ADH1C: variants seen among roughly 807,000 people sequenced by gnomAD.
The protein encoded by ADH1C is alcohol dehydrogenase 1C (class I), gamma polypeptide, also known as alcohol dehydrogenase 1C.
In ADH1C, 26 loss-of-function variants were observed where a neutral mutation model predicts 35.0. That is an observed-to-expected ratio of 0.74 (90% CI 0.54 to 1.03). The LOEUF is 1.03. ADH1C is among the 50% of genes least tolerant of loss of function. ADH1C has a pLI of 0.00. For missense variants in ADH1C, 413 were observed against 465.4 expected (o/e 0.89, Z 1.04); for synonymous variants, 170 against 169.3 (o/e 1.00, Z -0.03).
chr4:99,336,803 G>A (rs1364999081), intron 8 of ADH1C, 27 bp from the exon 9 acceptor site: 1 of 1,613,372 alleles, frequency 6.2e-7, no homozygotes, highest in African/African-American at 1.3e-5. Context: ...GAGACATTGT[G>A]TTAACATTTA....
intron 4 of ADH1C, 37 bp from the exon 5 acceptor site, chr4:99,345,118 G>A: frequency 3.7e-6 from 6 of 1,614,026 alleles, no homozygotes; most frequent in Non-Finnish European, 5.1e-6. Flanking sequence ...AAAGGCATGA[G>A]ACAGGACCAT....
intron 6 of ADH1C, 73 bp from the exon 7 acceptor site, chr4:99,340,783 G>T (rs747362577): frequency 6.3e-7 from 1 of 1,591,886 alleles, no homozygotes; most frequent in African/African-American, 1.3e-5. Flanking sequence ...ACAATATCAT[G>T]TAATAGGCTT....
intron 8 of ADH1C, among the ~76,000 whole-genome samples, chr4:99,338,396 TATATATATATATA>T (rs1560535432): frequency 0.014 from 103 of 7,436 alleles, 8 homozygotes; most frequent in African/African-American, 0.037. Context: ...TACTGTTTTC[TATATATATATATA>T]TATATATATA....
Position 99,352,642 on chromosome 4 carries a change from T to C in ADH1C, c.18+16A>G, listed in dbSNP as rs777715359. ...GAAGAGAATATATTATCAACAGTAA[T>C]ATATTTTTTGCTTACTTTTCCTGCT... On this transcript the variant is annotated intron_variant, in intron 1 of 8. Coordinates refer to ENST00000515683, the MANE Select transcript of ADH1C (RefSeq NM_000669.5). 4.4e-6 allele frequency: 7 copies of C among 1,600,158 alleles called. No individual in the cohort carries two copies. The highest frequency in any genetic ancestry group is 6.0e-6 in the Non-Finnish European group (7 of 1,167,546).
rs1446625758 is a variant in ADH1C, at chr4:99,338,393, TTCTATATATATATA to T, written c.1103+1170_1103+1183del. Among the ~76,000 whole-genome samples, 13 of 73,088 alleles carry T rather than the reference TTCTATATATATATA, an allele frequency of 1.8e-4. 2 individuals carry two copies. The highest frequency in any genetic ancestry group is 4.4e-4 in the African/African-American group (8 of 18,308). 47.9% of individuals were successfully genotyped at this position (73,088 alleles called of 152,430 possible). ...TAATTAACCTTTGATGAATACTGTT[TTCTATATATATATA>T]TATATATATATATATATATATATAT... On this transcript the variant is annotated intron_variant, in intron 8 of 8. Coordinates refer to ENST00000515683, the MANE Select transcript of ADH1C (RefSeq NM_000669.5).
chr4:99,350,266 A>G (rs1199936983), intron 1 of ADH1C, among the ~76,000 whole-genome samples: 1 of 152,000 alleles, frequency 6.6e-6, no homozygotes, highest in Middle Eastern at 3.2e-3. Flanking sequence ...TTATTTTTAA[A>G]ATTTATTTAT....
At chr4:99,352,053 T>C (rs1734690148) in intron 1 of ADH1C, among the ~76,000 whole-genome samples, 1 of 152,210 alleles carries the variant, frequency 6.6e-6, no homozygotes, top group Non-Finnish European at 1.5e-5. Flanking sequence ...AATTGTGTCA[T>C]AATGGGCCCC....
Position 99,346,912 on chromosome 4 carries a change from T to C in ADH1C, c.259+94A>G, listed in dbSNP as rs1309312508. On this transcript the variant is annotated intron_variant, in intron 3 of 8. Transcript: ENST00000515683. ...CAGCTTCCCTGTGACCTTGTGCAAG[T>C]CCTTTCGTCTTTCATTGCCTCGGTT... is the stretch of plus-strand genomic sequence containing the variant. The C allele has an allele frequency of 5.2e-6, 8 of 1,542,064 alleles. No individual in the cohort carries two copies. The East Asian group carries it at 1.8e-4, about 35-fold the overall frequency.
rs1734333540 is a variant in ADH1C at position 99,338,430 on chromosome 4, T to TATATATATATATAC, written c.1103+1146_1103+1147insGTATATATATATAT. ...ATATATATATATATATATATATATA[T>TATATATATATATAC]ATATATATATATATACACACTCTTG... On this transcript the variant is annotated intron_variant, in intron 8 of 8. Transcript: ENST00000515683. Among the ~76,000 whole-genome samples, 12 of 80,676 alleles carry TATATATATATATAC rather than the reference T, an allele frequency of 1.5e-4. 1 individual carries two copies. Among genetic ancestry groups the TATATATATATATAC allele is most frequent in the Admixed American group, 1.4e-4 (1 of 7,198 alleles). 52.9% of individuals were successfully genotyped at this position (80,676 alleles called of 152,430 possible).
At chr4:99,339,520 C>CCA in intron 8 of ADH1C, 57 bp downstream of exon 8, 1 of 907,846 alleles carries the variant, frequency 1.1e-6, no homozygotes, top group African/African-American at 1.7e-5. Context: ...ACGCCCCCCC[C>CCA]CCCCCCGCCG....
intron 1 of ADH1C, among the ~76,000 whole-genome samples, chr4:99,352,103 G>C (rs999732431): frequency 1.3e-5 from 2 of 152,130 alleles, no homozygotes; most frequent in African/African-American, 4.8e-5. Context: ...GCTTAACCTT[G>C]ATGATTCTAA....
Position 99,336,639 on chromosome 4 carries a change from T to A in ADH1C, c.*113A>T. ...TCTTTGGAAAGCTCCCACGTGTAAT[T>A]TATTTTTAACATCTCTGAAGAGCAG... is the stretch of plus-strand genomic sequence containing the variant. On this transcript the variant is annotated 3_prime_UTR_variant, in exon 9 of 9. Coordinates refer to ENST00000515683, the MANE Select transcript of ADH1C (RefSeq NM_000669.5). The A allele has an allele frequency of 2.2e-6, 3 of 1,340,250 alleles. No homozygotes were observed. The highest frequency in any genetic ancestry group is 2.1e-6 in the Non-Finnish European group (2 of 953,264). The allele number at this position is 1,340,250 out of a possible 1,614,324, so 83.0% of individuals were successfully genotyped here. A position where few individuals can be genotyped will look rare whatever the true frequency, so the allele number is the denominator to read the frequency against.
chr4:99,347,155 A>G lies in ADH1C; in HGVS notation c.121-11T>C. The G allele has an allele frequency of 6.2e-7, 1 of 1,610,156 alleles. No homozygotes were observed. Reference sequence around the variant, plus strand: ...TCCTGCAGCCACCATCTACAGAATAAAGAGAAGATGTTTAGATTCAGAAAA... The same window carrying G: ...TCCTGCAGCCACCATCTACAGAATAGAGAGAAGATGTTTAGATTCAGAAAA... On this transcript the variant is annotated splice_polypyrimidine_tract_variant and intron_variant, in intron 2 of 8. Coordinates refer to ENST00000515683, the MANE Select transcript of ADH1C (RefSeq NM_000669.5).
intron 1 of ADH1C, among the ~76,000 whole-genome samples, chr4:99,351,355 A>G (rs956964072): frequency 6.6e-6 from 1 of 152,190 alleles, no homozygotes; most frequent in African/African-American, 2.4e-5. Flanking sequence ...ACAATTTAGG[A>G]TTGAGGAAAA....
At chr4:99,338,499 A>G (rs1235025271) in intron 8 of ADH1C, among the ~76,000 whole-genome samples, 1 of 138,646 alleles carries the variant, frequency 7.2e-6, no homozygotes, top group Non-Finnish European at 1.5e-5. Flanking sequence ...TTTGCTAATA[A>G]CAAGATCTTC....
Position 99,340,636 on chromosome 4 carries a change from G to A in ADH1C, c.903C>T (p.Asn301=), listed in dbSNP as rs1409142218. The A allele has an allele frequency of 5.0e-6, 8 of 1,613,754 alleles. No individual in the cohort carries two copies. The African/African-American group carries it at 9.3e-5, about 19-fold the overall frequency. ...GTAGCAGCATAGGGTTTATTGAGAG[G>A]TTCTGGGAATCAGGAGGTACCCCTA... ...VIVGVPPDSQ[N]LSINPMLLLT... is the part of the protein sequence containing the mutation. The change falls in exon 7 of 9, where the codon AAC becomes AAT. Residue 301 remains asparagine, a synonymous_variant. Transcript: ENST00000515683.
At chr4:99,350,291 G>T (rs1315207012) in intron 1 of ADH1C, among the ~76,000 whole-genome samples, 1 of 152,092 alleles carries the variant, frequency 6.6e-6, no homozygotes, top group Non-Finnish European at 1.5e-5. Context: ...AATTTCAATA[G>T]TTTTTGGGGT....
In ADH1C at chr4:99,344,957, C is replaced by G; in HGVS notation, c.472G>C (p.Val158Leu). Residue 158 changes from valine to leucine, a missense_variant, in exon 5 of 9, where the codon GTG becomes CTG. By Grantham distance (32) the Val-to-Leu change is conservative. Transcript: ENST00000515683. ...GGCGAGGCTGCATCAATTTTGGCCA[C>G]TGCATTCTCATCCACCACTGTGTAC... ...SQYTVVDENA[V>L]AKIDAASPLE... 15 of 1,614,192 alleles carry G rather than the reference C, an allele frequency of 9.3e-6. No homozygotes were observed. The highest frequency in any genetic ancestry group is 1.3e-5 in the Non-Finnish European group (15 of 1,180,044).
At chr4:99,339,765 A>G (rs1397260599) in intron 7 of ADH1C, 50 bp from the exon 8 acceptor site, 3 of 1,533,576 alleles carry the variant, frequency 2.0e-6, no homozygotes, top group Non-Finnish European at 2.7e-6. Flanking sequence ...TAAGTAGGAG[A>G]ATTGAAGAGA....
Sources: allele counts gnomAD v4.1 joint callset (sites outside exome capture counted in the v4.1 genomes callset), GRCh38; gene constraint gnomAD v4.1.1; transcripts MANE v1.5; gene names NCBI Gene and HGNC (gene_info 2026-07-23, HGNC 2026-07-21).